RAVER2: variants seen among roughly 807,000 people sequenced by gnomAD.
RAVER2 encodes ribonucleoprotein PTB-binding 2.
In RAVER2, 46 loss-of-function variants were observed where a neutral mutation model predicts 78.1. The observed-to-expected ratio is 0.59, with a 90% confidence interval of 0.46 to 0.75. The LOEUF (loss-of-function observed/expected upper bound fraction) is 0.75, where lower values mean the gene tolerates loss of function less well. RAVER2 is among the 30% of genes least tolerant of loss of function. The probability of loss-of-function intolerance (pLI) is 0.00; values close to 1 mark genes in which losing one functional copy is unlikely to be tolerated. For missense variants in RAVER2, 793 were observed against 837.5 expected (o/e 0.95, Z 0.66); for synonymous variants, 311 against 313.3 (o/e 0.99, Z 0.08).
At chr1:64,824,100 C>A (rs564002446) in intron 11 of RAVER2, among the ~76,000 whole-genome samples, 2 of 152,198 alleles carry the variant, frequency 1.3e-5, no homozygotes. Context: ...TGCCACCGCG[C>A]CCGGCCTGAT....
intron 2 of RAVER2, among the ~76,000 whole-genome samples, chr1:64,777,186 C>A (rs1332799534): frequency 3.3e-5 from 5 of 152,022 alleles, no homozygotes; most frequent in Non-Finnish European, 7.4e-5. Flanking sequence ...TCTTTTAGAA[C>A]TCTTTCTAGG....
rs1653565309 is a variant in RAVER2, at chr1:64,810,169, G to C, written c.1681-2569G>C. On this transcript the variant is annotated intron_variant, in intron 9 of 11. Coordinates refer to ENST00000294428, the Ensembl canonical transcript of RAVER2. ...AACTGTCATCCTTTTTTCCACAGCA[G>C]CTGCACCATTTTACATTCCTGCTAG... Among the ~76,000 whole-genome samples the C allele has an allele frequency of 2.6e-5, 4 of 152,130 alleles. No homozygotes were observed. In the South Asian group the frequency reaches 8.3e-4, roughly 31 times the overall value.
chr1:64,804,600 G>A lies in RAVER2; in HGVS notation c.1192-134G>A, dbSNP rs960682708. 5 of 508,932 alleles carry A rather than the reference G, an allele frequency of 9.8e-6. No homozygotes were observed. The Admixed American group carries it at 1.9e-4, about 20-fold the overall frequency. The allele number at this position is 508,932 out of a possible 1,614,324, so 31.5% of individuals were successfully genotyped here. ...ATAATTAATTAGCTTTGTCTGATAA[G>A]TTGGAGAGTGAAATATGTTTAGAAG... On this transcript the variant is annotated intron_variant, in intron 6 of 11. Coordinates refer to ENST00000294428, the Ensembl canonical transcript of RAVER2.
intron 11 of RAVER2, among the ~76,000 whole-genome samples, chr1:64,820,692 C>A (rs958234348): frequency 6.6e-6 from 1 of 152,188 alleles, no homozygotes; most frequent in African/African-American, 2.4e-5. Flanking sequence ...CATTAGTTTC[C>A]TAAGGATAAA....
At chr1:64,813,554 A>AC (rs1204509484) in intron 10 of RAVER2, among the ~76,000 whole-genome samples, 3 of 152,200 alleles carry the variant, frequency 2.0e-5, no homozygotes, top group Non-Finnish European at 4.4e-5. Context: ...AAATCCAAAA[A>AC]AGTAAATTCT....
intron 9 of RAVER2, among the ~76,000 whole-genome samples, chr1:64,808,433 A>G (rs1346593398): frequency 2.7e-5 from 4 of 147,190 alleles, no homozygotes; most frequent in African/African-American, 1.0e-4. Context: ...CTGCAATTGT[A>G]TATTGAGAAA....
At chr1:64,783,444 T>C (rs1405213967) in intron 4 of RAVER2, among the ~76,000 whole-genome samples, 2 of 152,266 alleles carry the variant, frequency 1.3e-5, no homozygotes. Flanking sequence ...TGAAATGATA[T>C]CTCACTGTGG....
intron 8 of RAVER2, 117 bp from the exon 9 acceptor site, chr1:64,807,089 C>CT (rs1653459966): frequency 8.2e-7 from 1 of 1,222,940 alleles, no homozygotes; most frequent in South Asian, 1.7e-5. Flanking sequence ...TTGCTGTTAT[C>CT]TAACAGGTAC....
Position 64,804,972 on chromosome 1 carries a change from T to G in RAVER2, c.1297-19T>G. On this transcript the variant is annotated intron_variant, in intron 7 of 11. Transcript: ENST00000294428. ...ATATCTTATGGCCATGGGTCTTACC[T>G]TTTTTTCTTCTTTTGTAGAAACCCG... The G allele has an allele frequency of 1.2e-6, 2 of 1,608,290 alleles. No homozygotes were observed. Among genetic ancestry groups the G allele is most frequent in the African/African-American group, 1.3e-5 (1 of 74,718 alleles).
intron 4 of RAVER2, among the ~76,000 whole-genome samples, chr1:64,787,983 G>T (rs191639152): frequency 3.2e-3 from 483 of 152,092 alleles, no homozygotes; most frequent in Non-Finnish European, 6.0e-3. Flanking sequence ...GTCCTTGTCC[G>T]TTCTCCATTT....
chr1:64,758,988 C>T (rs1570529534), intron 1 of RAVER2, among the ~76,000 whole-genome samples: 1 of 151,178 alleles, frequency 6.6e-6, no homozygotes, highest in East Asian at 1.9e-4. Context: ...GGATGACTAT[C>T]TAAATCTATC....
At chr1:64,797,607 G>T (rs1375407627) in intron 5 of RAVER2, among the ~76,000 whole-genome samples, 1 of 151,866 alleles carries the variant, frequency 6.6e-6, no homozygotes, top group Non-Finnish European at 1.5e-5. Context: ...TTGTTATTTG[G>T]TGCACAAACA....
chr1:64,831,116 G>A, exon 12 of RAVER2: 1 of 951,106 alleles, frequency 1.1e-6, no homozygotes, highest in Non-Finnish European at 1.5e-6. Flanking sequence ...GAACTGTGTT[G>A]TGCAGCAGGC....
intron 2 of RAVER2, 98 bp downstream of exon 2, chr1:64,768,820 A>G (rs1424894210): frequency 7.7e-5 from 59 of 762,594 alleles, no homozygotes; most frequent in Non-Finnish European, 1.0e-4. Context: ...TAAGCTAATC[A>G]TGGAATTTTT....
chr1:64,807,325 C>A, exon 9 of RAVER2: 1 of 1,614,090 alleles, frequency 6.2e-7, no homozygotes, highest in Non-Finnish European at 8.5e-7. Flanking sequence ...TCAGGAGAAA[C>A]AGCCAGCCAC....
exon 5 of RAVER2, chr1:64,789,485 C>G: frequency 6.2e-7 from 1 of 1,607,830 alleles, no homozygotes; most frequent in South Asian, 1.1e-5. Context: ...CTTCTACAGC[C>G]CCAGTTATGT....
chr1:64,829,377 G>A (rs1045604526), intron 11 of RAVER2, among the ~76,000 whole-genome samples: 1 of 152,172 alleles, frequency 6.6e-6, no homozygotes, highest in African/African-American at 2.4e-5. Flanking sequence ...GAGGAAAGCT[G>A]CTAAAAAGAG....
intron 1 of RAVER2, among the ~76,000 whole-genome samples, chr1:64,749,542 C>G (rs552189415): frequency 6.6e-6 from 1 of 152,200 alleles, no homozygotes; most frequent in Non-Finnish European, 1.5e-5. Flanking sequence ...CCACATTTAT[C>G]AAACTACCTA....
At chr1:64,747,498 A>G (rs1015504132) in intron 1 of RAVER2, among the ~76,000 whole-genome samples, 3 of 149,930 alleles carry the variant, frequency 2.0e-5, no homozygotes, top group African/African-American at 7.3e-5. Flanking sequence ...GTGTTTATTC[A>G]TTCATTTCTT....
Sources: gnomAD v4.1 joint callset for allele counts (sites outside exome capture counted in the v4.1 genomes callset) on GRCh38, gnomAD v4.1.1 for gene constraint, MANE v1.5 for transcripts, NCBI Gene and HGNC (gene_info 2026-07-23, HGNC 2026-07-21) for gene names.